BCAS3: variants seen among roughly 807,000 people sequenced by gnomAD.
BCAS3 encodes BCAS3 microtubule associated cell migration factor.
In BCAS3, 53 loss-of-function variants were observed where a neutral mutation model predicts 116.1. The ratio of observed to expected loss-of-function variants is 0.46; its 90% CI spans 0.37 to 0.57. The LOEUF is 0.57. BCAS3 is among the 20% of genes least tolerant of loss of function. The pLI, the probability that BCAS3 is intolerant of heterozygous loss-of-function variation, is 0.00. For synonymous variants in BCAS3, 391 were observed against 408.2 expected, an observed-to-expected ratio of 0.96 and a Z score of 0.51; for missense variants, 917 against 1,165.4, an observed-to-expected ratio of 0.79 and a Z score of 3.10.
rs986128073 is a variant in BCAS3, at chr17:61,063,325, G to A, written c.2030-11595G>A. On this transcript the variant is annotated intron_variant, in intron 19 of 23. Transcript: ENST00000407086. The surrounding 1 kb of genome is among the most constrained non-coding windows in gnomAD (Gnocchi z 5.3). ...TGCTCTGTCACCCAGGCTGGAGTGC[G>A]GTGGCACAATCTCGGCTCACTGCAG... 3.3e-5 allele frequency among the ~76,000 whole-genome samples: 5 copies of A among 151,448 alleles called. No individual in the cohort carries two copies. The highest frequency in any genetic ancestry group is 2.1e-4 in the South Asian group (1 of 4,794).
intron 19 of BCAS3, among the ~76,000 whole-genome samples, chr17:61,070,522 T>G (rs2071326400): frequency 6.6e-6 from 1 of 151,326 alleles, no homozygotes; most frequent in South Asian, 2.1e-4. Context: ...TTCAGATGAT[T>G]CAATATCAAA....
chr17:61,139,649 AT>A lies in BCAS3; in HGVS notation c.2425+55086del, dbSNP rs1371990855. 6.6e-6 allele frequency among the ~76,000 whole-genome samples: 1 copy of A among 152,238 alleles called. No homozygotes were observed. Among genetic ancestry groups the A allele is most frequent in the Non-Finnish European group, 1.5e-5 (1 of 68,034 alleles). ...GTTTCCTAGAACTCATACATGCAGT[AT>A]AGTTCAGTGCGATTAAAAGTCATCA... On this transcript the variant is annotated intron_variant, in intron 22 of 23. Transcript: ENST00000407086. The surrounding 1 kb of genome is among the most constrained non-coding windows in gnomAD (Gnocchi z 4.7).
intron 22 of BCAS3, among the ~76,000 whole-genome samples, chr17:61,253,974 G>T (rs2048563897): frequency 6.6e-6 from 1 of 152,078 alleles, no homozygotes; most frequent in African/African-American, 2.4e-5. Context: ...AACTGGAGAA[G>T]AAAGAGCCTT....
chr17:61,373,224 G>A (rs558791164), intron 23 of BCAS3, among the ~76,000 whole-genome samples: 1 of 151,596 alleles, frequency 6.6e-6, no homozygotes, highest in South Asian at 2.1e-4. Context: ...CGAGTAACTG[G>A]GACTCAGATA....
intron 5 of BCAS3, among the ~76,000 whole-genome samples, chr17:60,714,845 G>A (rs1283461313): frequency 1.3e-5 from 2 of 152,086 alleles, no homozygotes; most frequent in African/African-American, 2.4e-5. Flanking sequence ...CTACTGCTTT[G>A]TACATGACAC....
Position 61,203,673 on chromosome 17 carries a change from C to T in BCAS3, c.2425+119109C>T, listed in dbSNP as rs6504023. 0.61 allele frequency among the ~76,000 whole-genome samples: 93,205 copies of T among 152,052 alleles called. 32,849 individuals are homozygous for T. Among genetic ancestry groups the T allele is most frequent in the South Asian group, 0.85 (4,101 of 4,822 alleles). ...ACTTTGAGCTACATATTTTGCCTTC[C>T]GTTCATCTTTGTAACCATTTTTTTG... On this transcript the variant is annotated intron_variant, in intron 22 of 23. Coordinates refer to ENST00000407086, the MANE Select transcript of BCAS3 (RefSeq NM_017679.5). This position sits in a 1 kb window ranked among gnomAD's most constrained non-coding sequence, Gnocchi z 5.7.
intron 23 of BCAS3, among the ~76,000 whole-genome samples, chr17:61,369,141 A>T (rs548869006): frequency 6.6e-6 from 1 of 152,338 alleles, no homozygotes; most frequent in African/African-American, 2.4e-5. Context: ...CCAATCATCC[A>T]TCTCCAGTAC....
intron 22 of BCAS3, among the ~76,000 whole-genome samples, chr17:61,272,072 A>G (rs1382547263): frequency 3.3e-5 from 5 of 152,142 alleles, no homozygotes; most frequent in African/African-American, 7.2e-5. Context: ...GGCCTCCAAA[A>G]GTGCTGGAAT....
chr17:60,734,135 C>T (rs769099327), intron 5 of BCAS3, among the ~76,000 whole-genome samples: 5 of 152,140 alleles, frequency 3.3e-5, no homozygotes, highest in Non-Finnish European at 7.3e-5. Context: ...CAAAGTGTTG[C>T]TCTAATCCCC....
intron 6 of BCAS3, among the ~76,000 whole-genome samples, chr17:60,752,062 C>T (rs576272911): frequency 1.3e-4 from 20 of 152,078 alleles, no homozygotes; most frequent in African/African-American, 4.8e-4. Flanking sequence ...TTTTTTTCCC[C>T]TTAACTATTC....
At chr17:60,873,386 T>G (rs934247427) in intron 8 of BCAS3, among the ~76,000 whole-genome samples, 1 of 152,132 alleles carries the variant, frequency 6.6e-6, no homozygotes, top group Non-Finnish European at 1.5e-5. Flanking sequence ...TACATTTTCC[T>G]TTTTTTATAC....
At chr17:60,802,311 T>G (rs963679942) in intron 6 of BCAS3, among the ~76,000 whole-genome samples, 1 of 146,670 alleles carries the variant, frequency 6.8e-6, no homozygotes. Flanking sequence ...TATATATATA[T>G]ATATATGCAC....
chr17:61,288,438 T>C (rs190641788), intron 22 of BCAS3, among the ~76,000 whole-genome samples: 1 of 152,316 alleles, frequency 6.6e-6, no homozygotes, highest in Admixed American at 6.5e-5. Flanking sequence ...GTACAAGGGC[T>C]TTGTCCCAGA....
chr17:61,270,195 C>T (rs1474129344), intron 22 of BCAS3, among the ~76,000 whole-genome samples: 1 of 148,620 alleles, frequency 6.7e-6, no homozygotes, highest in Admixed American at 6.8e-5. Flanking sequence ...TCCCGGCTTA[C>T]CGCAACCTCT....
At chr17:61,336,897 G>A (rs544056569) in intron 22 of BCAS3, among the ~76,000 whole-genome samples, 2 of 152,250 alleles carry the variant, frequency 1.3e-5, no homozygotes, top group African/African-American at 2.4e-5. Flanking sequence ...CAGATCACTT[G>A]AGGTCAGGAG....
rs1599726083 is a variant in BCAS3 at position 60,924,901 on chromosome 17, T to G, written c.1087+401T>G. ...TTGTAAGCTAATTTAATTTTCTCGG[T>G]TTTTTTTTTAGTGGTGCTCTTTTTC... On this transcript the variant is annotated intron_variant, in intron 13 of 23. Transcript: ENST00000407086. Among the ~76,000 whole-genome samples, 4 of 145,950 alleles carry G rather than the reference T, an allele frequency of 2.7e-5. No homozygotes were observed. The Admixed American group carries it at 2.8e-4, about 10-fold the overall frequency.
chr17:61,192,374 A>G (rs2080200565), intron 22 of BCAS3, among the ~76,000 whole-genome samples: 1 of 152,108 alleles, frequency 6.6e-6, no homozygotes, highest in African/African-American at 2.4e-5. Context: ...AGAATTGTAG[A>G]CCTCAGATTG....
intron 15 of BCAS3, among the ~76,000 whole-genome samples, chr17:61,001,230 T>C (rs944183713): frequency 3.3e-5 from 5 of 152,192 alleles, no homozygotes; most frequent in East Asian, 1.9e-4. Flanking sequence ...TTCTTGGACT[T>C]GGAGCCTCCA....
At chr17:60,984,559 T>C (rs1414957182) in intron 14 of BCAS3, among the ~76,000 whole-genome samples, 1 of 152,142 alleles carries the variant, frequency 6.6e-6, no homozygotes, top group Non-Finnish European at 1.5e-5. Context: ...TACAGGCATA[T>C]AGTACATAAT....
Sources: gnomAD v4.1 joint callset for allele counts (sites outside exome capture counted in the v4.1 genomes callset) on GRCh38, gnomAD v4.1.1 for gene constraint, Gnocchi (gnomAD v3.1) non-coding constraint, MANE v1.5 for transcripts, NCBI Gene and HGNC (gene_info 2026-07-23, HGNC 2026-07-21) for gene names.